The following ZDHHC2 variants were observed in gnomAD, a reference collection of about 807,000 sequenced individuals.
The protein encoded by ZDHHC2 is palmitoyltransferase ZDHHC2.
A neutral mutation model predicts 55.6 loss-of-function variants in ZDHHC2; 51 were observed. The ratio of observed to expected loss-of-function variants is 0.92; its 90% CI spans 0.73 to 1.16. The LOEUF (loss-of-function observed/expected upper bound fraction) is 1.16. Ranked by LOEUF, ZDHHC2 falls within the 50% of genes most tolerant of loss-of-function variation. ZDHHC2 has a pLI of 0.00. For synonymous variants in ZDHHC2, 199 were observed against 152.9 expected (o/e 1.30, Z -2.22); for missense variants, 491 against 442.4 (o/e 1.11, Z -0.99).
At chr8:17,166,815 T>G (rs1214522375) in intron 1 of ZDHHC2, among the ~76,000 whole-genome samples, 1 of 152,140 alleles carries the variant, frequency 6.6e-6, no homozygotes, top group Non-Finnish European at 1.5e-5. Context: ...CTGGGAGGAC[T>G]GAGAATTTAA....
rs535258218 is a variant in ZDHHC2, at chr8:17,172,835, T to A, written c.131-11954T>A. On this transcript the variant is annotated intron_variant, in intron 1 of 12. Transcript: ENST00000262096. ...GAAGCCTATCCCATCTCTTACTCTTTCTAGTATCACCATTTTACTGTTGCT... is the reference window on the plus strand; with the variant it reads ...GAAGCCTATCCCATCTCTTACTCTTACTAGTATCACCATTTTACTGTTGCT... Among the ~76,000 whole-genome samples the A allele has an allele frequency of 1.1e-4, 17 of 152,286 alleles. No homozygotes were observed. The East Asian group carries it at 2.9e-3, about 26-fold the overall frequency.
chr8:17,197,557 A>G (rs1362400791), intron 4 of ZDHHC2, 25 bp from the exon 5 acceptor site: 2 of 1,606,702 alleles, frequency 1.2e-6, no homozygotes. Context: ...TAACTCTAAG[A>G]CTAAGTGGAG....
chr8:17,203,999 G>A (rs1806961312), intron 6 of ZDHHC2, among the ~76,000 whole-genome samples: 1 of 151,820 alleles, frequency 6.6e-6, no homozygotes, highest in African/African-American at 2.4e-5. Context: ...GTAGAGACAG[G>A]GTTTCACCAT....
At chr8:17,161,382 A>C (rs1252460779) in intron 1 of ZDHHC2, among the ~76,000 whole-genome samples, 1 of 152,266 alleles carries the variant, frequency 6.6e-6, no homozygotes, top group Non-Finnish European at 1.5e-5. Flanking sequence ...CAAAAAAAGA[A>C]CAGGCAGTAG....
At chr8:17,171,659 G>A (rs997852594) in intron 1 of ZDHHC2, among the ~76,000 whole-genome samples, 3 of 151,970 alleles carry the variant, frequency 2.0e-5, no homozygotes, top group African/African-American at 4.8e-5. Context: ...TAGCTATTTA[G>A]AGCAATGATT....
Position 17,156,763 on chromosome 8 carries a change from T to G in ZDHHC2, c.40T>G (p.Cys14Gly), listed in dbSNP as rs1255581783. 2 of 1,501,872 alleles carry G rather than the reference T, an allele frequency of 1.3e-6. No individual in the cohort carries two copies. The highest frequency in any genetic ancestry group is 2.5e-5 in the South Asian group (2 of 80,300). The allele number at this position is 1,501,872 out of a possible 1,614,324, so 93.0% of individuals were successfully genotyped here. A position where few individuals can be genotyped will look rare whatever the true frequency, so the allele number is the denominator to read the frequency against. ...CCCGGGCAGCAGCGCCAGGCGGCGG[T>G]GCCGGCGGGTGCTGTACTGGATCCC... ...SGPGSSARRR[C>G]RRVLYWIPVV... The change falls in exon 1 of 13, where the codon TGC (cysteine) becomes GGC (glycine). Residue 14 changes from cysteine (C) to glycine (G), a missense_variant. By Grantham distance (159) the Cys-to-Gly change is radical. Coordinates refer to ENST00000262096, the MANE Select transcript of ZDHHC2 (RefSeq NM_016353.5).
intron 1 of ZDHHC2, among the ~76,000 whole-genome samples, chr8:17,177,861 A>C (rs1416771641): frequency 6.6e-6 from 1 of 152,058 alleles, no homozygotes; most frequent in Admixed American, 6.6e-5. Context: ...TTTATATTGA[A>C]AAGTTAGTGT....
In ZDHHC2 at chr8:17,221,695, A is replaced by T. The variant is rs929962053; in HGVS notation, c.*1474A>T. The T allele has an allele frequency of 6.6e-6, 1 of 152,502 alleles. No homozygotes were observed. The highest frequency in any genetic ancestry group is 1.5e-5 in the Non-Finnish European group (1 of 67,928). 9.4% of individuals were successfully genotyped at this position (152,502 alleles called of 1,614,324 possible). Reference sequence around the variant, plus strand: ...TTATATTAATTGTGCTTATGGAAGAAACAATGTCAGCCAAGTCCATTTTAT... The same window carrying T: ...TTATATTAATTGTGCTTATGGAAGATACAATGTCAGCCAAGTCCATTTTAT... On this transcript the variant is annotated 3_prime_UTR_variant, in exon 13 of 13. Coordinates refer to ENST00000262096, the MANE Select transcript of ZDHHC2 (RefSeq NM_016353.5).
intron 2 of ZDHHC2, among the ~76,000 whole-genome samples, chr8:17,185,719 C>A (rs1454979584): frequency 6.6e-6 from 1 of 151,994 alleles, no homozygotes; most frequent in East Asian, 1.9e-4. Context: ...TTTATAACAC[C>A]ACCCAGAGTG....
At position 17,208,093 on chromosome 8, in the gene ZDHHC2, G is replaced by T; in HGVS notation, c.730+1G>T. 1 of 1,559,070 alleles carries T rather than the reference G, an allele frequency of 6.4e-7. No individual in the cohort carries two copies. The highest frequency in any genetic ancestry group is 8.7e-7 in the Non-Finnish European group (1 of 1,150,076). ...GTCAGCAAAAATAAATCTACATTAG[G>T]TGAGTATCCAATTATTGTAGTTGAC... On this transcript the variant is annotated splice_donor_variant, in intron 8 of 12. Coordinates refer to ENST00000262096, the MANE Select transcript of ZDHHC2 (RefSeq NM_016353.5). LOFTEE classifies it high-confidence loss of function.
intron 1 of ZDHHC2, among the ~76,000 whole-genome samples, chr8:17,184,370 T>G (rs1370398435): frequency 6.6e-6 from 1 of 152,236 alleles, no homozygotes; most frequent in African/African-American, 2.4e-5. Flanking sequence ...CACATTTTAT[T>G]CTTTGTGGAA....
At chr8:17,182,834 T>C (rs1413822463) in intron 1 of ZDHHC2, among the ~76,000 whole-genome samples, 1 of 152,182 alleles carries the variant, frequency 6.6e-6, no homozygotes, top group East Asian at 1.9e-4. Context: ...TGATGTTGGC[T>C]CACTGCAACC....
Position 17,222,200 on chromosome 8 carries a change from C to T in ZDHHC2, c.*1979C>T, listed in dbSNP as rs1807954217. 1.3e-5 allele frequency: 2 copies of T among 151,520 alleles called. No individual in the cohort carries two copies. The highest frequency in any genetic ancestry group is 2.4e-5 in the African/African-American group (1 of 41,352). 9.4% of individuals were successfully genotyped at this position (151,520 alleles called of 1,614,324 possible). ...AGAATCAGATTTGAAAAAGTTAAAA[C>T]AATTTCATTGTTGTAATTGTTCCCT... On this transcript the variant is annotated 3_prime_UTR_variant, in exon 13 of 13. Coordinates refer to ENST00000262096, the MANE Select transcript of ZDHHC2 (RefSeq NM_016353.5).
rs1024558695 is a variant in ZDHHC2, at chr8:17,222,066, C to G, written c.*1845C>G. On this transcript the variant is annotated 3_prime_UTR_variant, in exon 13 of 13. Coordinates refer to ENST00000262096, the MANE Select transcript of ZDHHC2 (RefSeq NM_016353.5). ...CGATTAAGTATTCCCTCTTGTCAAACTGGAAGCTAGGGGAAAAAGAGGGAT... is the reference window on the plus strand; with the variant it reads ...CGATTAAGTATTCCCTCTTGTCAAAGTGGAAGCTAGGGGAAAAAGAGGGAT... 48 of 140,360 alleles carry G rather than the reference C, an allele frequency of 3.4e-4. No individual in the cohort carries two copies. The highest frequency in any genetic ancestry group is 3.3e-3 in the Admixed American group (44 of 13,456). 8.7% of individuals were successfully genotyped at this position (140,360 alleles called of 1,614,324 possible).
intron 6 of ZDHHC2, among the ~76,000 whole-genome samples, chr8:17,199,598 CT>C (rs1232675901): frequency 0.085 from 3,337 of 39,110 alleles, 235 homozygotes; most frequent in African/African-American, 0.14. Context: ...CTTTCTTCTT[CT>C]TTATTCTTTC....
chr8:17,219,992 A>G (rs1807842997), intron 12 of ZDHHC2, among the ~76,000 whole-genome samples: 2 of 151,712 alleles, frequency 1.3e-5, no homozygotes, highest in Admixed American at 1.3e-4. Flanking sequence ...GAAATGCAGA[A>G]TCTTAGGCCT....
chr8:17,202,125 T>A (rs1382901677), intron 6 of ZDHHC2, among the ~76,000 whole-genome samples: 4 of 152,248 alleles, frequency 2.6e-5, no homozygotes, highest in Non-Finnish European at 4.4e-5. Context: ...TAAAAACAAA[T>A]TATTTGAGCT....
chr8:17,199,573 TG>T (rs1563161462), intron 6 of ZDHHC2, among the ~76,000 whole-genome samples: 1 of 106,490 alleles, frequency 9.4e-6, no homozygotes, highest in African/African-American at 3.8e-5. Context: ...TCTTCGTCTT[TG>T]TCTTCTTCTT....
intron 1 of ZDHHC2, among the ~76,000 whole-genome samples, chr8:17,184,295 A>G (rs1168232655): frequency 6.6e-6 from 1 of 152,206 alleles, no homozygotes; most frequent in Non-Finnish European, 1.5e-5. Flanking sequence ...GGGAGCAAGT[A>G]AAGTCACTGT....
Sources: allele counts gnomAD v4.1 joint callset (sites outside exome capture counted in the v4.1 genomes callset), GRCh38; gene constraint gnomAD v4.1.1; transcripts MANE v1.5; gene names NCBI Gene and HGNC (gene_info 2026-07-23, HGNC 2026-07-21).